Variants in SHANK2 observed in about 807,000 individuals in gnomAD.
The protein encoded by SHANK2 is SH3 and multiple ankyrin repeat domains 2.
SHANK2 carries 43 observed loss-of-function variants against 133.7 expected under a neutral mutation model. That is an observed-to-expected ratio of 0.32 (90% CI 0.25 to 0.41). SHANK2 has a LOEUF of 0.41. Among genes scored for constraint, SHANK2 ranks in the 10% least tolerant of loss-of-function variants. The pLI is 1.00. For synonymous variants in SHANK2, 1,017 were observed against 952.8 expected, an observed-to-expected ratio of 1.07 and a Z score of -1.24; for missense variants, 1,994 against 2,235.8, an observed-to-expected ratio of 0.89 and a Z score of 2.18.
At chr11:70,894,330 G>T (rs1374793054) in intron 11 of SHANK2, among the ~76,000 whole-genome samples, 6 of 152,118 alleles carry the variant, frequency 3.9e-5, no homozygotes, top group African/African-American at 1.4e-4. Flanking sequence ...TGGGATTACC[G>T]GTGCCTGCCA....
At chr11:71,118,099 C>G (rs1429476593) in intron 4 of SHANK2, among the ~76,000 whole-genome samples, 1 of 152,086 alleles carries the variant, frequency 6.6e-6, no homozygotes, top group Non-Finnish European at 1.5e-5. Flanking sequence ...ATTTAAAACC[C>G]CTCAGAGAAG....
chr11:70,922,340 C>G (rs977703587), intron 10 of SHANK2, among the ~76,000 whole-genome samples: 6 of 151,938 alleles, frequency 3.9e-5, no homozygotes, highest in Admixed American at 2.0e-4. Flanking sequence ...AAAAATAGAG[C>G]AGAAGTACTA....
rs1050617467 is a variant in SHANK2, at chr11:70,735,007, C to T, written c.1778-36244G>A. On this transcript the variant is annotated intron_variant, in intron 14 of 25. Coordinates refer to ENST00000601538, the MANE Select transcript of SHANK2 (RefSeq NM_012309.5). ...GGCCCAGGCCTCGGCGGCTGTAGCA[C>T]ATCTGTGCTCTGTGAGGCCAGTCCC... 5.4e-4 allele frequency among the ~76,000 whole-genome samples: 83 copies of T among 152,320 alleles called. 1 individual carries two copies. The highest frequency in any genetic ancestry group is 1.9e-3 in the African/African-American group (81 of 41,582).
chr11:71,251,511 C>A (rs1383298091), intron 1 of SHANK2, among the ~76,000 whole-genome samples: 1 of 151,736 alleles, frequency 6.6e-6, no homozygotes, highest in Non-Finnish European at 1.5e-5. Context: ...CCGGGGCCAC[C>A]CGGTGGAGGC....
At chr11:70,851,030 T>C (rs971830604) in intron 11 of SHANK2, among the ~76,000 whole-genome samples, 3 of 152,216 alleles carry the variant, frequency 2.0e-5, no homozygotes, top group African/African-American at 7.2e-5. Flanking sequence ...TAACAGTGGC[T>C]GTGGCTCTCA....
intron 17 of SHANK2, among the ~76,000 whole-genome samples, chr11:70,558,354 C>T (rs576457923): frequency 1.3e-3 from 203 of 152,354 alleles, no homozygotes; most frequent in African/African-American, 4.6e-3. Context: ...CGGCTTCCCC[C>T]TGCGTCAGCA....
At chr11:70,832,997 C>A (rs540682819) in intron 11 of SHANK2, among the ~76,000 whole-genome samples, 6 of 152,224 alleles carry the variant, frequency 3.9e-5, no homozygotes, top group Non-Finnish European at 7.3e-5. Context: ...GCCTGGCCAG[C>A]GTCCTCAGCG....
chr11:70,815,739 G>C (rs1317079901), intron 12 of SHANK2, among the ~76,000 whole-genome samples: 2 of 152,160 alleles, frequency 1.3e-5, no homozygotes, highest in African/African-American at 4.8e-5. Flanking sequence ...GCCCTGGGGA[G>C]GCTGGGAGGC....
chr11:70,736,176 T>C (rs1946400131), intron 14 of SHANK2, among the ~76,000 whole-genome samples: 1 of 151,964 alleles, frequency 6.6e-6, no homozygotes, highest in Non-Finnish European at 1.5e-5. Context: ...CACACCTGTG[T>C]TCACATTCAG....
At chr11:71,126,868 C>G (rs1321688395) in intron 3 of SHANK2, among the ~76,000 whole-genome samples, 4 of 152,030 alleles carry the variant, frequency 2.6e-5, no homozygotes, top group African/African-American at 7.3e-5. Flanking sequence ...CCACCCTACC[C>G]AGCCAATTTT....
rs1040884664 is a variant in SHANK2 at position 71,068,502 on chromosome 11, C to T, written c.1029+6657G>A. ...ACCGCAACCATGACTGTGTATTTGGCGACCACAGGCCATGTTCAGGGAGAA... is the reference window on the plus strand; with the variant it reads ...ACCGCAACCATGACTGTGTATTTGGTGACCACAGGCCATGTTCAGGGAGAA... On this transcript the variant is annotated intron_variant, in intron 9 of 25. Coordinates refer to ENST00000601538, the MANE Select transcript of SHANK2 (RefSeq NM_012309.5). Among the ~76,000 whole-genome samples, 5 of 152,314 alleles carry T rather than the reference C, an allele frequency of 3.3e-5. No homozygotes were observed. The East Asian group carries it at 7.7e-4, about 24-fold the overall frequency.
chr11:71,159,781 C>T (rs1257403278), intron 2 of SHANK2, among the ~76,000 whole-genome samples: 2 of 151,866 alleles, frequency 1.3e-5, no homozygotes, highest in East Asian at 1.9e-4. Flanking sequence ...GTCAGGAGTT[C>T]GAGACCAGCC....
At chr11:70,601,068 T>TC (rs781966152) in intron 17 of SHANK2, among the ~76,000 whole-genome samples, 22,506 of 147,350 alleles carry the variant, frequency 0.15, 1,840 homozygotes, top group Non-Finnish European at 0.17. Flanking sequence ...TATATCTATA[T>TC]TTGAGATGGA....
chr11:70,651,369 C>A (rs782625116), intron 17 of SHANK2, among the ~76,000 whole-genome samples: 2 of 152,180 alleles, frequency 1.3e-5, no homozygotes, highest in Non-Finnish European at 2.9e-5. Context: ...CTCCTCAGCC[C>A]GAACCACCTG....
rs782524357 is a variant in SHANK2 at position 70,804,477 on chromosome 11, C to G, written c.1663+2525G>C. ...ATCCTTTGAAGTGTGAGTTTTGGAA[C>G]CGAGCTCTGTCATTTCTGTTCTCCC... is the stretch of plus-strand genomic sequence containing the variant. On this transcript the variant is annotated intron_variant, in intron 13 of 25. Transcript: ENST00000601538. This position sits in a 1 kb window ranked among gnomAD's most constrained non-coding sequence, Gnocchi z 4.1. 6.6e-6 allele frequency among the ~76,000 whole-genome samples: 1 copy of G among 152,200 alleles called. No homozygotes were observed. Among genetic ancestry groups the G allele is most frequent in the Non-Finnish European group, 1.5e-5 (1 of 68,030 alleles).
intron 15 of SHANK2, among the ~76,000 whole-genome samples, chr11:70,677,023 C>T (rs1944916294): frequency 6.6e-6 from 1 of 152,190 alleles, no homozygotes; most frequent in African/African-American, 2.4e-5. Context: ...CGTATACAGG[C>T]AATTACTTGT....
chr11:70,883,147 G>A (rs11237808), intron 11 of SHANK2, among the ~76,000 whole-genome samples: 115,501 of 152,074 alleles, frequency 0.76, 47,207 homozygotes, highest in Non-Finnish European at 0.89. Context: ...CTCCTGCGCC[G>A]AAAACGGGGC....
At chr11:70,722,569 T>C (rs1457280585) in intron 14 of SHANK2, among the ~76,000 whole-genome samples, 1 of 151,932 alleles carries the variant, frequency 6.6e-6, no homozygotes, top group African/African-American at 2.4e-5. Flanking sequence ...AAATTACGTA[T>C]ATTGTTAATT....
chr11:70,498,474 G>T (rs1212410874), intron 21 of SHANK2, among the ~76,000 whole-genome samples: 8 of 152,204 alleles, frequency 5.3e-5, no homozygotes, highest in African/African-American at 1.9e-4. Context: ...ATAGGTGCCT[G>T]GTAGGGTGAA....
Sources: allele counts gnomAD v4.1 joint callset (sites outside exome capture counted in the v4.1 genomes callset), GRCh38; gene constraint gnomAD v4.1.1; non-coding constraint Gnocchi (gnomAD v3.1); transcripts MANE v1.5; gene names NCBI Gene and HGNC (gene_info 2026-07-23, HGNC 2026-07-21).